The following FOXP2 variants were observed in gnomAD, a reference collection of about 807,000 sequenced individuals.
The protein encoded by FOXP2 is forkhead box protein P2.
Under a neutral mutation model 115.8 loss-of-function variants are expected in FOXP2, and 12 were observed. That is an observed-to-expected ratio of 0.10 (90% CI 0.07 to 0.17). The LOEUF is 0.17. FOXP2 is among the 10% of genes least tolerant of loss of function. The pLI is 1.00. For synonymous variants in FOXP2, 328 were observed against 297.7 expected (o/e 1.10, Z -1.05); for missense variants, 629 against 843.5 (o/e 0.75, Z 3.15).
chr7:114,173,248 A>G (rs1453458495), intron 1 of FOXP2, among the ~76,000 whole-genome samples: 1 of 151,996 alleles, frequency 6.6e-6, no homozygotes, highest in Non-Finnish European at 1.5e-5. Flanking sequence ...TAAGAAAATG[A>G]AAAAGACTAT....
intron 2 of FOXP2, among the ~76,000 whole-genome samples, chr7:114,526,690 A>T (rs908913223): frequency 1.3e-4 from 20 of 152,138 alleles, no homozygotes; most frequent in Admixed American, 3.3e-4. Context: ...TCAGATCAAC[A>T]TGAACTTTTC....
At chr7:114,299,987 A>G (rs1487325439) in intron 2 of FOXP2, among the ~76,000 whole-genome samples, 1 of 152,012 alleles carries the variant, frequency 6.6e-6, no homozygotes, top group Non-Finnish European at 1.5e-5. Context: ...ACATTTTCTT[A>G]CAGGAAGGCT....
At chr7:114,124,949 A>C (rs1363401761) in intron 1 of FOXP2, among the ~76,000 whole-genome samples, 1 of 152,128 alleles carries the variant, frequency 6.6e-6, no homozygotes, top group Non-Finnish European at 1.5e-5. Context: ...TTTAAGGACA[A>C]GGAAACAAGA....
At chr7:114,161,619 T>C (rs1184368337), upstream of FOXP2, among the ~76,000 whole-genome samples, 1 of 152,076 alleles carries the variant, frequency 6.6e-6, no homozygotes, top group African/African-American at 2.4e-5. Context: ...TCATGCACAT[T>C]TGCCCTAAAC....
chr7:114,269,935 C>A (rs1795993552), intron 1 of FOXP2, among the ~76,000 whole-genome samples: 1 of 152,144 alleles, frequency 6.6e-6, no homozygotes, highest in Non-Finnish European at 1.5e-5. Context: ...GTGCCAGGTG[C>A]TTTTCTTAAC....
chr7:114,199,168 C>T (rs919017874), intron 1 of FOXP2, among the ~76,000 whole-genome samples: 6 of 152,036 alleles, frequency 3.9e-5, no homozygotes, highest in African/African-American at 4.8e-5. Flanking sequence ...AGGTGTCACC[C>T]GCTGTGCCTG....
chr7:114,520,711 C>T (rs534619386), intron 2 of FOXP2, among the ~76,000 whole-genome samples: 1 of 151,950 alleles, frequency 6.6e-6, no homozygotes, highest in Non-Finnish European at 1.5e-5. Context: ...CAATTTCTAA[C>T]AAAGGAGGCA....
At position 114,549,278 on chromosome 7, in the gene FOXP2, GT is replaced by G; in HGVS notation, c.258+14576del. On this transcript the variant is annotated intron_variant, in intron 3 of 16. Transcript: ENST00000350908. ...TTTTGAAGAATCTGAGAGCCAGAAA[GT>G]TTTAGTACATTTCCCAAGTACCTAG... 2.0e-5 allele frequency among the ~76,000 whole-genome samples: 3 copies of G among 152,266 alleles called. No individual in the cohort carries two copies. In the South Asian group the frequency reaches 6.2e-4, roughly 32 times the overall value.
At chr7:114,545,393 C>G (rs1411284847) in intron 3 of FOXP2, among the ~76,000 whole-genome samples, 2 of 152,096 alleles carry the variant, frequency 1.3e-5, no homozygotes, top group African/African-American at 4.8e-5. Flanking sequence ...CTCTGATCAG[C>G]CTTTTCAGGA....
intron 3 of FOXP2, among the ~76,000 whole-genome samples, chr7:114,539,552 T>C (rs961539317): frequency 1.3e-5 from 2 of 151,830 alleles, no homozygotes; most frequent in Admixed American, 6.6e-5. Context: ...ACATTATTTC[T>C]TGATCATAAA....
intron 1 of FOXP2, among the ~76,000 whole-genome samples, chr7:114,093,293 C>G (rs143623118): frequency 3.5e-4 from 53 of 152,276 alleles, no homozygotes; most frequent in African/African-American, 1.2e-3. Context: ...TCAAACATAT[C>G]CTTGTTAGAG....
At chr7:114,245,690 G>A (rs539863705) in intron 1 of FOXP2, among the ~76,000 whole-genome samples, 22 of 152,092 alleles carry the variant, frequency 1.4e-4, no homozygotes, top group Non-Finnish European at 2.4e-4. Flanking sequence ...TGAAGATGCC[G>A]TGTATCAAGA....
At chr7:114,225,273 T>C (rs1297716554) in intron 1 of FOXP2, among the ~76,000 whole-genome samples, 1 of 152,070 alleles carries the variant, frequency 6.6e-6, no homozygotes, top group Non-Finnish European at 1.5e-5. Flanking sequence ...CATTTACTTC[T>C]TGCTGTAAAT....
At chr7:114,644,599 C>T in intron 7 of FOXP2, 86 bp from the exon 8 acceptor site, 1 of 1,111,966 alleles carries the variant, frequency 9.0e-7, no homozygotes, top group Admixed American at 1.8e-5. Context: ...ACCTGTTTGT[C>T]ACTGATCGTA....
intron 2 of FOXP2, among the ~76,000 whole-genome samples, chr7:114,353,827 C>G (rs972674306): frequency 3.5e-4 from 53 of 152,228 alleles, no homozygotes; most frequent in African/African-American, 1.2e-3. Context: ...ATCTCACCAT[C>G]ACACCTGGTG....
chr7:114,229,521 A>G (rs1036290590), intron 1 of FOXP2, among the ~76,000 whole-genome samples: 7 of 151,706 alleles, frequency 4.6e-5, no homozygotes, highest in African/African-American at 1.7e-4. Flanking sequence ...TTGCAAATGT[A>G]AGAAGATTGA....
rs76100638 is a variant in FOXP2 at position 114,562,158 on chromosome 7, C to T, written c.258+27452C>T. Reference sequence around the variant, plus strand: ...CTTTCACTATTCTGAATCATCCTTTCTGACCCTGCTGCAGCATTTGTTCTT... The same window carrying T: ...CTTTCACTATTCTGAATCATCCTTTTTGACCCTGCTGCAGCATTTGTTCTT... On this transcript the variant is annotated intron_variant, in intron 3 of 16. Transcript: ENST00000350908. 9.8e-3 allele frequency among the ~76,000 whole-genome samples: 1,492 copies of T among 152,272 alleles called. 9 individuals carry two copies. The highest frequency in any genetic ancestry group is 0.017 in the Non-Finnish European group (1,168 of 68,010).
intron 1 of FOXP2, among the ~76,000 whole-genome samples, chr7:114,240,660 A>G (rs1008294530): frequency 1.3e-5 from 2 of 151,972 alleles, no homozygotes; most frequent in African/African-American, 2.4e-5. Context: ...AACATCTAAC[A>G]TATCTAGTTT....
At chr7:114,685,281 A>G (rs768527694) in intron 16 of FOXP2, among the ~76,000 whole-genome samples, 9 of 152,006 alleles carry the variant, frequency 5.9e-5, no homozygotes, top group Non-Finnish European at 1.3e-4. Flanking sequence ...GTAGAGTCCT[A>G]TTTTTTTATT....
Sources: gnomAD v4.1 joint callset for allele counts (sites outside exome capture counted in the v4.1 genomes callset) on GRCh38, gnomAD v4.1.1 for gene constraint, MANE v1.5 for transcripts, NCBI Gene and HGNC (gene_info 2026-07-23, HGNC 2026-07-21) for gene names.